Variants in PPP1R42 observed in about 807,000 individuals in gnomAD.
PPP1R42 encodes the protein protein phosphatase 1 regulatory subunit 42.
In PPP1R42, 34 loss-of-function variants were observed where a neutral mutation model predicts 31.0. That is an observed-to-expected ratio of 1.10 (90% confidence interval 0.83 to 1.46). The LOEUF (loss-of-function observed/expected upper bound fraction) is 1.46, where lower values mean the gene tolerates loss of function less well. PPP1R42 is among the 40% of genes most tolerant of loss of function. PPP1R42 has a pLI of 0.00. For synonymous variants in PPP1R42, 103 were observed against 109.8 expected (o/e 0.94, Z 0.39); for missense variants, 268 against 303.0 (o/e 0.88, Z 0.86).
At chr8:67,012,283 T>C (rs1815864933) in intron 4 of PPP1R42, among the ~76,000 whole-genome samples, 1 of 152,164 alleles carries the variant, frequency 6.6e-6, no homozygotes, top group Non-Finnish European at 1.5e-5. Context: ...GTAAAACAAC[T>C]ACCATGTCCC....
intron 5 of PPP1R42, among the ~76,000 whole-genome samples, chr8:67,002,797 G>A (rs1394695171): frequency 1.1e-4 from 15 of 139,540 alleles, no homozygotes; most frequent in African/African-American, 3.8e-4. Context: ...CTTTAAATTC[G>A]CTGATCTTTT....
At chr8:66,968,173 A>T (rs1266437831) in intron 7 of PPP1R42, among the ~76,000 whole-genome samples, 1 of 152,224 alleles carries the variant, frequency 6.6e-6, no homozygotes, top group Non-Finnish European at 1.5e-5. Context: ...GTATACATTG[A>T]TAGTATCAAG....
chr8:67,021,507 A>T (rs1037973275), intron 1 of PPP1R42, among the ~76,000 whole-genome samples: 10 of 152,166 alleles, frequency 6.6e-5, no homozygotes, highest in African/African-American at 2.2e-4. Flanking sequence ...ATGATACTAT[A>T]TTCTGAACAA....
chr8:66,996,858 A>G (rs1815346356), intron 5 of PPP1R42, among the ~76,000 whole-genome samples: 1 of 152,126 alleles, frequency 6.6e-6, no homozygotes, highest in African/African-American at 2.4e-5. Flanking sequence ...CCATTGAAAT[A>G]TTGGAATTTT....
intron 6 of PPP1R42, chr8:66,985,514 C>G (rs1330553871): frequency 8.3e-7 from 1 of 1,202,472 alleles, no homozygotes; most frequent in African/African-American, 1.5e-5. Flanking sequence ...GAAGCAATGC[C>G]CATGTCATGG....
intron 1 of PPP1R42, among the ~76,000 whole-genome samples, chr8:67,024,758 T>C (rs912475905): frequency 2.0e-5 from 3 of 151,876 alleles, no homozygotes; most frequent in African/African-American, 7.3e-5. Flanking sequence ...ATTACAGGCG[T>C]GAGCCACTGC....
intron 7 of PPP1R42, among the ~76,000 whole-genome samples, chr8:66,974,459 C>G (rs200796904): frequency 6.6e-6 from 1 of 152,012 alleles, no homozygotes; most frequent in African/African-American, 2.4e-5. Flanking sequence ...GAGGCTGAGG[C>G]AGGAGAATTG....
intron 5 of PPP1R42, chr8:67,010,485 CTAT>C (rs537290454): frequency 1.3e-4 from 53 of 403,808 alleles, no homozygotes; most frequent in African/African-American, 6.4e-4. Context: ...CTCAGAGAAA[CTAT>C]TATTCTGTTG....
At chr8:67,023,675 T>G (rs1816292108) in intron 1 of PPP1R42, among the ~76,000 whole-genome samples, 1 of 152,132 alleles carries the variant, frequency 6.6e-6, no homozygotes, top group Non-Finnish European at 1.5e-5. Flanking sequence ...TCTTTTTTAT[T>G]GTGTTATTGC....
rs138209313 is a variant in PPP1R42, at chr8:66,972,470, A to G, written c.803-8136T>C. 2.3e-3 allele frequency among the ~76,000 whole-genome samples: 348 copies of G among 152,038 alleles called. 5 individuals carry two copies. The East Asian group carries it at 0.046, about 20-fold the overall frequency. ...AGTGGCACAATCTCGGCTCACTACA[A>G]CCTTTGCCTCCCGGGTTCAAGTGAT... On this transcript the variant is annotated intron_variant, in intron 7 of 7. Transcript: ENST00000685739.
chr8:67,023,848 A>G (rs1370880504), intron 1 of PPP1R42, among the ~76,000 whole-genome samples: 3 of 151,122 alleles, frequency 2.0e-5, no homozygotes, highest in African/African-American at 7.3e-5. Flanking sequence ...GTTTTTTTTT[A>G]AGATAGCCAT....
At chr8:67,000,539 C>T (rs925062479) in intron 5 of PPP1R42, among the ~76,000 whole-genome samples, 4 of 151,134 alleles carry the variant, frequency 2.6e-5, no homozygotes, top group African/African-American at 9.8e-5. Flanking sequence ...GTCACTGCAG[C>T]CTCCACCTCG....
chr8:66,987,761 T>G (rs1815067691), intron 6 of PPP1R42, among the ~76,000 whole-genome samples: 1 of 152,202 alleles, frequency 6.6e-6, no homozygotes, highest in Non-Finnish European at 1.5e-5. Flanking sequence ...GGATTGTCAC[T>G]CTATTTGGTG....
At chr8:67,013,215 T>C (rs1815896660) in intron 3 of PPP1R42, 119 bp from the exon 4 acceptor site, 3 of 710,824 alleles carry the variant, frequency 4.2e-6, no homozygotes, top group Middle Eastern at 2.5e-4. Context: ...ATGTGGAATG[T>C]TGTGTTATAT....
At chr8:67,016,236 C>T (rs1816013622) in intron 2 of PPP1R42, among the ~76,000 whole-genome samples, 1 of 152,158 alleles carries the variant, frequency 6.6e-6, no homozygotes, top group African/African-American at 2.4e-5. Context: ...ATTAGTATTT[C>T]TTTCATTTGT....
At chr8:67,021,867 A>G (rs906309165) in intron 1 of PPP1R42, among the ~76,000 whole-genome samples, 2 of 152,116 alleles carry the variant, frequency 1.3e-5, no homozygotes, top group Non-Finnish European at 2.9e-5. Flanking sequence ...TGTGAGAGTC[A>G]TCTGGGTTGA....
chr8:67,010,711 C>A lies in PPP1R42; in HGVS notation c.552+4G>T, dbSNP rs201365115. 1.9e-6 allele frequency: 3 copies of A among 1,548,332 alleles called. No individual in the cohort carries two copies. The East Asian group carries it at 6.8e-5, about 35-fold the overall frequency. On this transcript the variant is annotated splice_donor_region_variant and intron_variant, in intron 5 of 7. Coordinates refer to ENST00000685739, the MANE Select transcript of PPP1R42 (RefSeq NM_001364910.1). Reference sequence around the variant, plus strand: ...TCTTAAAAATTAATTTCTCTTTACACTACCTTCACATGCAGAAGTTGGTTG... The same window carrying A: ...TCTTAAAAATTAATTTCTCTTTACAATACCTTCACATGCAGAAGTTGGTTG...
At chr8:67,006,414 T>C (rs2129536738) in intron 5 of PPP1R42, among the ~76,000 whole-genome samples, 1 of 152,300 alleles carries the variant, frequency 6.6e-6, no homozygotes, top group South Asian at 2.1e-4. Flanking sequence ...GTCTTGCACT[T>C]TGGGACAAGG....
chr8:67,014,134 C>A (rs934429358), intron 3 of PPP1R42, among the ~76,000 whole-genome samples: 14 of 152,106 alleles, frequency 9.2e-5, no homozygotes, highest in African/African-American at 3.4e-4. Context: ...GACAACCCTT[C>A]CCCAGAATGA....
Sources: allele counts gnomAD v4.1 joint callset (sites outside exome capture counted in the v4.1 genomes callset), GRCh38; gene constraint gnomAD v4.1.1; transcripts MANE v1.5; gene names NCBI Gene and HGNC (gene_info 2026-07-23, HGNC 2026-07-21).